GSAP: variants seen among roughly 807,000 people sequenced by gnomAD.
GSAP encodes gamma-secretase-activating protein.
Under a neutral mutation model 131.7 loss-of-function variants are expected in GSAP, and 118 were observed. That is an observed-to-expected ratio of 0.90 (90% confidence interval 0.77 to 1.04). The LOEUF is 1.04. GSAP is among the 50% of genes least tolerant of loss of function. The pLI is 0.00. For missense variants in GSAP, 1,019 were observed against 1,013.2 expected (o/e 1.01, Z -0.08); for synonymous variants, 381 against 363.4 (o/e 1.05, Z -0.55).
intron 4 of GSAP, 122 bp from the exon 5 acceptor site, chr7:77,397,157 G>A: frequency 1.4e-6 from 1 of 709,098 alleles, no homozygotes; most frequent in South Asian, 1.8e-5. Context: ...GATAAGGGCA[G>A]AACACAAAGC....
At chr7:77,371,434 T>TC (rs1796104115) in intron 12 of GSAP, among the ~76,000 whole-genome samples, 1 of 8,096 alleles carries the variant, frequency 1.2e-4, no homozygotes, top group Non-Finnish European at 2.3e-4. Flanking sequence ...CTTTTTTCTT[T>TC]TTTTTTTTTT....
At chr7:77,398,886 A>G (rs569597080) in intron 3 of GSAP, among the ~76,000 whole-genome samples, 1 of 152,254 alleles carries the variant, frequency 6.6e-6, no homozygotes, top group Non-Finnish European at 1.5e-5. Flanking sequence ...TTACACAGTT[A>G]CATTGCAAGT....
At chr7:77,339,231 G>C (rs561807009) in intron 19 of GSAP, among the ~76,000 whole-genome samples, 1 of 152,102 alleles carries the variant, frequency 6.6e-6, no homozygotes, top group Non-Finnish European at 1.5e-5. Context: ...AGAAGAAGTA[G>C]GTTAAAGGTG....
At chr7:77,394,257 T>C (rs773229862) in intron 5 of GSAP, among the ~76,000 whole-genome samples, 3 of 152,168 alleles carry the variant, frequency 2.0e-5, no homozygotes, top group Non-Finnish European at 4.4e-5. Flanking sequence ...ACCTCTTTTT[T>C]CCTTTGCCCT....
rs56314229 is a variant in GSAP, at chr7:77,377,400, CAAAAAAA to C, written c.577-17_577-11del. 0.011 allele frequency: 13,130 copies of C among 1,180,672 alleles called. 2 individuals carry two copies. Among genetic ancestry groups the C allele is most frequent in the South Asian group, 0.012 (655 of 55,186 alleles). The allele number at this position is 1,180,672 out of a possible 1,614,324, so 73.1% of individuals were successfully genotyped here. ...CAGAATTTTTAATCACCTAAAAATG[CAAAAAAA>C]AAAAAAAAAAAAAAAGTATGAATAA... On this transcript the variant is annotated splice_polypyrimidine_tract_variant and intron_variant, in intron 8 of 30. Coordinates refer to ENST00000257626, the MANE Select transcript of GSAP (RefSeq NM_017439.4).
intron 10 of GSAP, among the ~76,000 whole-genome samples, chr7:77,376,096 T>C (rs545488659): frequency 7.2e-5 from 11 of 152,308 alleles, no homozygotes; most frequent in Middle Eastern, 3.4e-3. Flanking sequence ...CTCTTTATTC[T>C]CAAATCCACC....
intron 3 of GSAP, among the ~76,000 whole-genome samples, chr7:77,399,804 C>T (rs1179697827): frequency 2.6e-5 from 4 of 152,072 alleles, no homozygotes; most frequent in Admixed American, 6.6e-5. Flanking sequence ...GTTTCAATGA[C>T]GACTCTGAAA....
chr7:77,311,941 C>G lies in GSAP; in HGVS notation c.2374-1G>C, dbSNP rs748054209. On this transcript the variant is annotated splice_acceptor_variant, in intron 29 of 30. Transcript: ENST00000257626. LOFTEE classifies it high-confidence loss of function. Reference sequence around the variant, plus strand: ...ACTTGTTAATCATAGAATTCCGAGGCTAAAAGGGAAACCACTTCTGGTGTA... The same window carrying G: ...ACTTGTTAATCATAGAATTCCGAGGGTAAAAGGGAAACCACTTCTGGTGTA... The G allele has an allele frequency of 1.3e-6, 2 of 1,564,474 alleles. No individual in the cohort carries two copies. Among genetic ancestry groups the G allele is most frequent in the Non-Finnish European group, 1.8e-6 (2 of 1,134,968 alleles).
At chr7:77,401,997 G>A (rs1801394235) in intron 3 of GSAP, among the ~76,000 whole-genome samples, 1 of 152,052 alleles carries the variant, frequency 6.6e-6, no homozygotes, top group African/African-American at 2.4e-5. Context: ...TTAATTTATT[G>A]GTTTTAATAT....
In GSAP at chr7:77,382,549, A is replaced by G. The variant is rs181793771; in HGVS notation, c.526+25T>C. The G allele has an allele frequency of 1.9e-5, 24 of 1,241,432 alleles. 1 individual carries two copies. In the African/African-American group the frequency reaches 3.4e-4, roughly 18 times the overall value. The allele number at this position is 1,241,432 out of a possible 1,614,324, so 76.9% of individuals were successfully genotyped here. On this transcript the variant is annotated intron_variant, in intron 7 of 30. Transcript: ENST00000257626. Reference sequence around the variant, plus strand: ...ACGATATGCCATTCATGAAATTCCCATATTCCACCTAAAGATACACTTACA... The same window carrying G: ...ACGATATGCCATTCATGAAATTCCCGTATTCCACCTAAAGATACACTTACA...
chr7:77,391,418 C>T (rs1799524043), intron 5 of GSAP, among the ~76,000 whole-genome samples: 2 of 152,092 alleles, frequency 1.3e-5, no homozygotes, highest in African/African-American at 2.4e-5. Flanking sequence ...AAGGAAGCAT[C>T]GTGAATTAAG....
intron 22 of GSAP, chr7:77,328,265 T>C (rs1788594324): frequency 3.8e-6 from 4 of 1,066,392 alleles, no homozygotes; most frequent in Non-Finnish European, 4.5e-6. Flanking sequence ...ATCAGACAGC[T>C]AGAAAGCAAG....
intron 8 of GSAP, among the ~76,000 whole-genome samples, chr7:77,378,492 T>C (rs1235178935): frequency 1.4e-5 from 2 of 142,190 alleles, no homozygotes; most frequent in African/African-American, 2.7e-5. Context: ...TCAAAAAAAA[T>C]AAAAATAAAA....
chr7:77,392,565 C>T (rs1318386560), intron 5 of GSAP, among the ~76,000 whole-genome samples: 1 of 152,062 alleles, frequency 6.6e-6, no homozygotes, highest in African/African-American at 2.4e-5. Flanking sequence ...AAAAGATTAT[C>T]AGTGGAGACT....
rs747707928 is a variant in GSAP at position 77,404,646 on chromosome 7, T to C, written c.187-31A>G. 6.4e-6 allele frequency: 8 copies of C among 1,240,938 alleles called. No individual in the cohort carries two copies. The South Asian group carries it at 9.8e-5, about 15-fold the overall frequency. The allele number at this position is 1,240,938 out of a possible 1,614,324, so 76.9% of individuals were successfully genotyped here. A position where few individuals can be genotyped will look rare whatever the true frequency, so the allele number is the denominator to read the frequency against. ...AAAAATTAACCAGATGTTTATTAAATGTCATTGTTTAGGAAGTTAGAATGT... is the reference window on the plus strand; with the variant it reads ...AAAAATTAACCAGATGTTTATTAAACGTCATTGTTTAGGAAGTTAGAATGT... On this transcript the variant is annotated intron_variant, in intron 2 of 30. Transcript: ENST00000257626.
chr7:77,343,460 AC>A (rs1193074406), intron 19 of GSAP, among the ~76,000 whole-genome samples: 1 of 152,178 alleles, frequency 6.6e-6, no homozygotes, highest in African/African-American at 2.4e-5. Flanking sequence ...AGGTTTCCTC[AC>A]TATGCAAGGG....
chr7:77,382,565 T>A lies in GSAP; in HGVS notation c.526+9A>T. 7.0e-7 allele frequency: 1 copy of A among 1,429,470 alleles called. No individual in the cohort carries two copies. 88.5% of individuals were successfully genotyped at this position (1,429,470 alleles called of 1,614,324 possible). A position where few individuals can be genotyped will look rare whatever the true frequency, so the allele number is the denominator to read the frequency against. On this transcript the variant is annotated intron_variant, in intron 7 of 30. Coordinates refer to ENST00000257626, the MANE Select transcript of GSAP (RefSeq NM_017439.4). ...GAAATTCCCATATTCCACCTAAAGA[T>A]ACACTTACATTTCTCTTCTGAAATC...
intron 15 of GSAP, 36 bp downstream of exon 15, chr7:77,355,519 T>C: frequency 6.5e-7 from 1 of 1,528,694 alleles, no homozygotes; most frequent in Non-Finnish European, 9.0e-7. Context: ...CAAACTCAAA[T>C]GGGCCACCTC....
chr7:77,415,236 A>C (rs924483826), intron 1 of GSAP, among the ~76,000 whole-genome samples: 41 of 152,244 alleles, frequency 2.7e-4, no homozygotes, highest in African/African-American at 9.4e-4. Flanking sequence ...AACTTGATAT[A>C]TAACTCACAT....
Sources: gnomAD v4.1 joint callset for allele counts (sites outside exome capture counted in the v4.1 genomes callset) on GRCh38, gnomAD v4.1.1 for gene constraint, MANE v1.5 for transcripts, NCBI Gene and HGNC (gene_info 2026-07-23, HGNC 2026-07-21) for gene names.